Variants in CTNNA3 observed in about 807,000 individuals in gnomAD.
CTNNA3 encodes catenin alpha 3.
A neutral mutation model predicts 95.7 loss-of-function variants in CTNNA3; 76 were observed. The observed-to-expected ratio is 0.79, with a 90% confidence interval of 0.66 to 0.96. The LOEUF (loss-of-function observed/expected upper bound fraction) is 0.96. Ranked by LOEUF, CTNNA3 falls within the 40% of genes least tolerant of loss-of-function variation. The pLI, the probability that CTNNA3 is intolerant of heterozygous loss-of-function variation, is 0.00. For missense variants in CTNNA3, 1,191 were observed against 1,089.8 expected, an observed-to-expected ratio of 1.09 and a Z score of -1.31; for synonymous variants, 431 against 374.4, an observed-to-expected ratio of 1.15 and a Z score of -1.74.
chr10:67,664,441 G>C (rs552872746), intron 1 of CTNNA3, among the ~76,000 whole-genome samples: 1 of 152,270 alleles, frequency 6.6e-6, no homozygotes, highest in Admixed American at 6.5e-5. Flanking sequence ...CCTCATTCCA[G>C]ACTGCCACCA....
intron 13 of CTNNA3, among the ~76,000 whole-genome samples, chr10:66,254,103 T>A (rs754874348): frequency 3.3e-5 from 5 of 152,134 alleles, no homozygotes; most frequent in Non-Finnish European, 5.9e-5. Flanking sequence ...GAGACTTTTC[T>A]CAACAATCTT....
At chr10:67,447,651 C>T (rs567676389) in intron 5 of CTNNA3, among the ~76,000 whole-genome samples, 4 of 152,232 alleles carry the variant, frequency 2.6e-5, no homozygotes, top group African/African-American at 9.6e-5. Context: ...GAAAGATGAT[C>T]CCTGACCACC....
intron 5 of CTNNA3, among the ~76,000 whole-genome samples, chr10:67,302,417 T>C (rs1409437044): frequency 6.6e-6 from 1 of 152,192 alleles, no homozygotes; most frequent in Non-Finnish European, 1.5e-5. Context: ...AGAAAATAGA[T>C]TTTAAGTGTT....
chr10:66,920,409 C>T (rs1404414520), intron 7 of CTNNA3, among the ~76,000 whole-genome samples: 1 of 152,134 alleles, frequency 6.6e-6, no homozygotes, highest in African/African-American at 2.4e-5. Flanking sequence ...CAAATGTTTC[C>T]TTACCTAGTC....
chr10:66,737,885 G>A (rs923256004), intron 9 of CTNNA3, among the ~76,000 whole-genome samples: 1 of 151,950 alleles, frequency 6.6e-6, no homozygotes, highest in African/African-American at 2.4e-5. Flanking sequence ...TCTCGATCTC[G>A]TGACCTTGTG....
intron 9 of CTNNA3, among the ~76,000 whole-genome samples, chr10:66,750,290 A>G (rs1159592261): frequency 6.6e-6 from 1 of 152,182 alleles, no homozygotes; most frequent in Non-Finnish European, 1.5e-5. Flanking sequence ...AGTTGTTGCC[A>G]TTCTCAAAAT....
chr10:65,968,247 C>G (rs2078020429), intron 16 of CTNNA3, among the ~76,000 whole-genome samples: 1 of 151,770 alleles, frequency 6.6e-6, no homozygotes, highest in South Asian at 2.1e-4. Context: ...AATAAATTAG[C>G]CAGGTGTGGT....
chr10:66,835,377 GC>G, intron 7 of CTNNA3, among the ~76,000 whole-genome samples: 1 of 152,192 alleles, frequency 6.6e-6, no homozygotes, highest in Non-Finnish European at 1.5e-5. Flanking sequence ...AAATTCTCAG[GC>G]CCCAGTCAGA....
At chr10:67,728,707 A>G (rs1841258461) in intron 1 of CTNNA3, among the ~76,000 whole-genome samples, 1 of 151,916 alleles carries the variant, frequency 6.6e-6, no homozygotes, top group African/African-American at 2.4e-5. Flanking sequence ...TCATTGTTTT[A>G]TTATGTTCTA....
intron 10 of CTNNA3, among the ~76,000 whole-genome samples, chr10:66,614,352 G>C (rs1411816583): frequency 6.6e-6 from 1 of 152,006 alleles, no homozygotes; most frequent in Non-Finnish European, 1.5e-5. Context: ...CATTCACTCA[G>C]CAAAAATGTA....
chr10:67,142,090 A>T (rs1374726363), intron 7 of CTNNA3, among the ~76,000 whole-genome samples: 1 of 152,248 alleles, frequency 6.6e-6, no homozygotes, highest in Middle Eastern at 3.4e-3. Context: ...CTTCAACAAA[A>T]TTTTCTTTAT....
intron 11 of CTNNA3, among the ~76,000 whole-genome samples, chr10:66,414,411 A>G (rs1039536560): frequency 6.6e-6 from 1 of 152,170 alleles, no homozygotes; most frequent in Non-Finnish European, 1.5e-5. Flanking sequence ...GAGCCTAGAG[A>G]GACTCCCCAA....
chr10:66,566,725 C>CCAAAAA (rs1454060053), intron 10 of CTNNA3, among the ~76,000 whole-genome samples: 10 of 151,990 alleles, frequency 6.6e-5, no homozygotes, highest in Non-Finnish European at 1.5e-4. Context: ...GAGTAGGAGT[C>CCAAAAA]TGGCTAATCA....
At chr10:67,681,164 T>C (rs1234566817) in intron 1 of CTNNA3, among the ~76,000 whole-genome samples, 1 of 152,184 alleles carries the variant, frequency 6.6e-6, no homozygotes, top group African/African-American at 2.4e-5. Context: ...CTTGAGAACT[T>C]GATAAAATGT....
At chr10:65,921,244 C>T (rs772550304) in intron 17 of CTNNA3, among the ~76,000 whole-genome samples, 1 of 152,170 alleles carries the variant, frequency 6.6e-6, no homozygotes, top group Non-Finnish European at 1.5e-5. Context: ...AATACATTTT[C>T]TGTTTCCTCA....
intron 7 of CTNNA3, among the ~76,000 whole-genome samples, chr10:67,157,683 T>G (rs1295170267): frequency 6.6e-6 from 1 of 152,148 alleles, no homozygotes; most frequent in African/African-American, 2.4e-5. Flanking sequence ...TAGCCGCGCA[T>G]GTAGCCCAGT....
At chr10:66,734,979 T>C (rs1849085998) in intron 9 of CTNNA3, among the ~76,000 whole-genome samples, 1 of 151,940 alleles carries the variant, frequency 6.6e-6, no homozygotes, top group Non-Finnish European at 1.5e-5. Context: ...ATTTGTTTTA[T>C]AGATAAGATG....
At chr10:67,272,678 A>G (rs1443509512) in intron 5 of CTNNA3, among the ~76,000 whole-genome samples, 1 of 152,214 alleles carries the variant, frequency 6.6e-6, no homozygotes, top group Non-Finnish European at 1.5e-5. Context: ...ATAATGTTCA[A>G]AGAATAGGGA....
intron 2 of CTNNA3, among the ~76,000 whole-genome samples, chr10:67,632,139 C>CACACAT (rs1464198884): frequency 8.2e-5 from 12 of 146,794 alleles, no homozygotes; most frequent in Non-Finnish European, 1.8e-4. Flanking sequence ...CACACACACA[C>CACACAT]ACACACACAC....
Sources: allele counts gnomAD v4.1 joint callset (sites outside exome capture counted in the v4.1 genomes callset), GRCh38; gene constraint gnomAD v4.1.1; transcripts MANE v1.5; gene names NCBI Gene and HGNC (gene_info 2026-07-23, HGNC 2026-07-21).